NCOA7: variants seen among roughly 807,000 people sequenced by gnomAD.
NCOA7 encodes the protein nuclear receptor coactivator 7, also known as 140 kDa estrogen receptor-associated protein.
Under a neutral mutation model 104.3 loss-of-function variants are expected in NCOA7, and 45 were observed. The observed-to-expected ratio is 0.43, with a 90% CI of 0.34 to 0.55. The LOEUF (loss-of-function observed/expected upper bound fraction) is 0.55, where lower values mean the gene tolerates loss of function less well. Among genes scored for constraint, NCOA7 ranks in the 20% least tolerant of loss-of-function variants. NCOA7 has a pLI of 0.02. For synonymous variants in NCOA7, 398 were observed against 402.3 expected, an observed-to-expected ratio of 0.99 and a Z score of 0.13; for missense variants, 1,041 against 1,119.7, an observed-to-expected ratio of 0.93 and a Z score of 1.00.
At chr6:125,907,150 G>A (rs867045191) in intron 10 of NCOA7, among the ~76,000 whole-genome samples, 32 of 152,278 alleles carry the variant, frequency 2.1e-4, no homozygotes, top group Admixed American at 9.8e-4. Context: ...CCCTGTCTAC[G>A]TGAGAGAATG....
At chr6:125,927,915 C>T (rs1483457354) in intron 14 of NCOA7, among the ~76,000 whole-genome samples, 157 bp downstream of exon 14, 1 of 152,214 alleles carries the variant, frequency 6.6e-6, no homozygotes, top group African/African-American at 2.4e-5. Context: ...AACTGCTTAG[C>T]GTCCCTGGCC....
At chr6:125,895,983 G>C (rs111283965) in intron 10 of NCOA7, among the ~76,000 whole-genome samples, 12 of 148,704 alleles carry the variant, frequency 8.1e-5, no homozygotes, top group South Asian at 2.1e-4. Context: ...GTGTGTGTGT[G>C]TGTGTGTCTG....
rs80148412 is a variant in NCOA7 at position 125,901,440 on chromosome 6, G to A, written c.2096+10630G>A. On this transcript the variant is annotated intron_variant, in intron 10 of 15. Transcript: ENST00000392477. ...GGCAATGAGATGAGAGAGTTCCCTTGACCCCTTTGTGGGACTTGCAACAGG... is the reference window on the plus strand; with the variant it reads ...GGCAATGAGATGAGAGAGTTCCCTTAACCCCTTTGTGGGACTTGCAACAGG... Among the ~76,000 whole-genome samples, 1,251 of 152,298 alleles carry A rather than the reference G, an allele frequency of 8.2e-3. 20 individuals carry two copies. Among genetic ancestry groups the A allele is most frequent in the African/African-American group, 0.027 (1,137 of 41,550 alleles).
chr6:125,915,273 A>C, intron 10 of NCOA7, 60 bp from the exon 11 acceptor site: 1 of 1,601,322 alleles, frequency 6.2e-7, no homozygotes, highest in Non-Finnish European at 8.5e-7. Flanking sequence ...TGAAGTCCAC[A>C]CTAGCACCTG....
At chr6:125,861,095 T>C (rs971629001) in intron 3 of NCOA7, among the ~76,000 whole-genome samples, 2 of 152,178 alleles carry the variant, frequency 1.3e-5, no homozygotes, top group African/African-American at 4.8e-5. Context: ...AAATGTGTAA[T>C]GTCTATATTA....
intron 11 of NCOA7, among the ~76,000 whole-genome samples, chr6:125,916,591 C>A (rs188022662): frequency 6.6e-6 from 1 of 152,138 alleles, no homozygotes; most frequent in Non-Finnish European, 1.5e-5. Context: ...CTCTTGAACC[C>A]CACTTAGCAT....
intron 2 of NCOA7, among the ~76,000 whole-genome samples, chr6:125,839,105 G>A (rs1056072494): frequency 6.6e-6 from 1 of 151,936 alleles, no homozygotes; most frequent in African/African-American, 2.4e-5. Flanking sequence ...TTAGCCCTTG[G>A]TGATTTTTGT....
chr6:125,797,657 C>T (rs1280842026), intron 1 of NCOA7, among the ~76,000 whole-genome samples: 1 of 152,292 alleles, frequency 6.6e-6, no homozygotes, highest in African/African-American at 2.4e-5. Context: ...GATAAATATT[C>T]TAGCCATTGG....
intron 2 of NCOA7, among the ~76,000 whole-genome samples, chr6:125,845,126 T>C (rs1283598081): frequency 2.0e-5 from 3 of 152,050 alleles, no homozygotes; most frequent in Non-Finnish European, 4.4e-5. Flanking sequence ...TTGTCAGAGG[T>C]GGCAGAAGTC....
chr6:125,865,610 G>T lies in NCOA7; in HGVS notation c.272-9279G>T, dbSNP rs1363789900. 2.2e-5 allele frequency among the ~76,000 whole-genome samples: 3 copies of T among 136,132 alleles called. 1 individual carries two copies. Among genetic ancestry groups the T allele is most frequent in the African/African-American group, 6.2e-5 (2 of 32,310 alleles). 89.3% of individuals were successfully genotyped at this position (136,132 alleles called of 152,430 possible). A position where few individuals can be genotyped will look rare whatever the true frequency, so the allele number is the denominator to read the frequency against. On this transcript the variant is annotated intron_variant, in intron 3 of 15. Coordinates refer to ENST00000392477, the MANE Select transcript of NCOA7 (RefSeq NM_181782.5). ...TTTTATAGAGTCAGGTCAATAATTTGAGATGTGTGCATCGCCAATAGAGAA... is the reference window on the plus strand; with the variant it reads ...TTTTATAGAGTCAGGTCAATAATTTTAGATGTGTGCATCGCCAATAGAGAA...
intron 8 of NCOA7, among the ~76,000 whole-genome samples, chr6:125,887,105 G>T (rs139650218): frequency 6.6e-6 from 1 of 152,250 alleles, no homozygotes; most frequent in African/African-American, 2.4e-5. Context: ...CTCAAGTGGG[G>T]AATGGACAGT....
intron 1 of NCOA7, among the ~76,000 whole-genome samples, chr6:125,797,310 C>CA (rs1218147757): frequency 1.2e-4 from 19 of 152,182 alleles, no homozygotes; most frequent in Non-Finnish European, 2.2e-4. Context: ...CCCAAGTAAT[C>CA]AGAGGCCTTA....
At position 125,925,430 on chromosome 6, in the gene NCOA7, A is replaced by AT. The variant is rs570332554; in HGVS notation, c.2524-2232dup. On this transcript the variant is annotated intron_variant, in intron 13 of 15. Transcript: ENST00000392477. ...CATAGTCTGGCCAAAGAAACTATCC[A>AT]TGCAAAGGAACCTACATTTAATTGA... 1.3e-4 allele frequency among the ~76,000 whole-genome samples: 20 copies of AT among 152,352 alleles called. No homozygotes were observed. The South Asian group carries it at 4.1e-3, about 32-fold the overall frequency.
chr6:125,903,709 CTT>C (rs386408527), intron 10 of NCOA7, among the ~76,000 whole-genome samples: 7 of 143,800 alleles, frequency 4.9e-5, no homozygotes, highest in Admixed American at 6.9e-5. Flanking sequence ...TTACTACCTT[CTT>C]TTTTTTTTTT....
chr6:125,830,518 G>A (rs1779073692), intron 2 of NCOA7, among the ~76,000 whole-genome samples: 1 of 152,132 alleles, frequency 6.6e-6, no homozygotes. Flanking sequence ...GTGAGACCTT[G>A]TGTCTACAAA....
intron 12 of NCOA7, among the ~76,000 whole-genome samples, chr6:125,921,473 G>A (rs1190964791): frequency 1.3e-5 from 2 of 152,012 alleles, no homozygotes; most frequent in Non-Finnish European, 2.9e-5. Context: ...GAAGGATGAG[G>A]CTTGTGAGGA....
At chr6:125,915,265 A>T in intron 10 of NCOA7, 68 bp from the exon 11 acceptor site, 2 of 1,581,806 alleles carry the variant, frequency 1.3e-6, no homozygotes, top group Non-Finnish European at 1.7e-6. Flanking sequence ...TTATGTACTG[A>T]AGTCCACACT....
chr6:125,904,120 A>G (rs1785754669), intron 10 of NCOA7, among the ~76,000 whole-genome samples: 1 of 152,136 alleles, frequency 6.6e-6, no homozygotes, highest in South Asian at 2.1e-4. Flanking sequence ...ATTTTATCTT[A>G]TGCTTGGGAC....
At chr6:125,899,922 C>A in intron 10 of NCOA7, 1 of 522,032 alleles carries the variant, frequency 1.9e-6, no homozygotes, top group Non-Finnish European at 4.0e-6. Flanking sequence ...TTTCTGGTGG[C>A]GGAGCAAGCT....
Sources: allele counts gnomAD v4.1 joint callset (sites outside exome capture counted in the v4.1 genomes callset), GRCh38; gene constraint gnomAD v4.1.1; transcripts MANE v1.5; gene names NCBI Gene and HGNC (gene_info 2026-07-23, HGNC 2026-07-21).